The following TXNRD2 variants were observed in gnomAD, a reference collection of about 807,000 sequenced individuals.
TXNRD2 encodes the protein thioredoxin reductase 2, mitochondrial.
In TXNRD2, 67 loss-of-function variants were observed where a neutral mutation model predicts 70.8. The observed-to-expected ratio is 0.95, with a 90% CI of 0.78 to 1.16. TXNRD2 has a LOEUF of 1.16. Ranked by LOEUF, TXNRD2 falls within the 50% of genes most tolerant of loss-of-function variation. The pLI, the probability that TXNRD2 is intolerant of heterozygous loss-of-function variation, is 0.00. For synonymous variants in TXNRD2, 301 were observed against 295.8 expected (o/e 1.02, Z -0.18); for missense variants, 644 against 719.9 (o/e 0.89, Z 1.21).
At chr22:19,917,841 T>G (rs1237721736) in intron 5 of TXNRD2, among the ~76,000 whole-genome samples, 1 of 152,198 alleles carries the variant, frequency 6.6e-6, no homozygotes, top group African/African-American at 2.4e-5. Flanking sequence ...CTCTCTGGCC[T>G]GAGGCCTTCC....
chr22:19,909,205 C>CA (rs199938429), intron 8 of TXNRD2, among the ~76,000 whole-genome samples: 4,027 of 73,538 alleles, frequency 0.055, 66 homozygotes, highest in Middle Eastern at 0.12. Context: ...GACTCTGTTT[C>CA]AAAAAAAAAA....
intron 1 of TXNRD2, among the ~76,000 whole-genome samples, chr22:19,937,290 A>C (rs188962268): frequency 6.6e-6 from 1 of 152,324 alleles, no homozygotes; most frequent in Non-Finnish European, 1.5e-5. Context: ...ACAAGTAACA[A>C]AGGTGTGTAT....
chr22:19,922,955 G>A (rs1940973652), intron 2 of TXNRD2, among the ~76,000 whole-genome samples: 1 of 152,150 alleles, frequency 6.6e-6, no homozygotes, highest in African/African-American at 2.4e-5. Context: ...CCAAAGTGCT[G>A]GGATTACAGG....
At chr22:19,932,458 G>A in intron 1 of TXNRD2, 1 of 1,605,828 alleles carries the variant, frequency 6.2e-7, no homozygotes, top group Non-Finnish European at 8.5e-7. Flanking sequence ...TGGCGAGGAA[G>A]GCAGGCAAGG....
chr22:19,892,755 C>T (rs538923671), intron 11 of TXNRD2, among the ~76,000 whole-genome samples: 3 of 152,180 alleles, frequency 2.0e-5, no homozygotes, highest in African/African-American at 4.8e-5. Flanking sequence ...GGGAGAAACT[C>T]GCCACCTCCC....
chr22:19,890,230 G>A (rs116474580), intron 11 of TXNRD2, among the ~76,000 whole-genome samples: 5,710 of 152,284 alleles, frequency 0.037, 372 homozygotes, highest in African/African-American at 0.13. Context: ...GGGGAAGGCC[G>A]CAGCCACCGC....
At chr22:19,898,942 G>C (rs138021531) in intron 9 of TXNRD2, 107 bp downstream of exon 9, 5 of 1,440,972 alleles carry the variant, frequency 3.5e-6, no homozygotes, top group Non-Finnish European at 3.8e-6. Context: ...AGTAAGTGCC[G>C]ATCTGAGGCA....
intron 12 of TXNRD2, chr22:19,881,435 C>T (rs1037729705): frequency 4.4e-5 from 9 of 204,776 alleles, no homozygotes; most frequent in Non-Finnish European, 7.7e-5. Flanking sequence ...TCTCATTAAA[C>T]AATAGCCCCC....
intron 11 of TXNRD2, 27 bp downstream of exon 11, chr22:19,895,380 A>C: frequency 1.2e-6 from 2 of 1,613,644 alleles, no homozygotes; most frequent in Non-Finnish European, 8.5e-7. Context: ...GACCAGAGAC[A>C]GAGCGTGTGG....
chr22:19,938,731 T>A (rs2146111270), intron 1 of TXNRD2, among the ~76,000 whole-genome samples: 2 of 152,298 alleles, frequency 1.3e-5, no homozygotes, highest in Middle Eastern at 6.8e-3. Flanking sequence ...ATATTCCACA[T>A]AACTTTTACA....
rs537540542 is a variant in TXNRD2, at chr22:19,892,488, A to C, written c.949+2919T>G. Among the ~76,000 whole-genome samples, 13 of 152,354 alleles carry C rather than the reference A, an allele frequency of 8.5e-5. No individual in the cohort carries two copies. In the East Asian group the frequency reaches 2.5e-3, roughly 29 times the overall value. On this transcript the variant is annotated intron_variant, in intron 11 of 17. Coordinates refer to ENST00000400521, the MANE Select transcript of TXNRD2 (RefSeq NM_006440.5). ...GGGATGCTCATTTTGAAAGTACAAAAAAATAAAACAGACTCCTAGCAAGGG... is the reference window on the plus strand; with the variant it reads ...GGGATGCTCATTTTGAAAGTACAAACAAATAAAACAGACTCCTAGCAAGGG...
intron 8 of TXNRD2, among the ~76,000 whole-genome samples, chr22:19,907,253 G>T (rs1940084453): frequency 1.6e-5 from 1 of 64,066 alleles, no homozygotes; most frequent in East Asian, 4.1e-4. Flanking sequence ...GGAGAGTGTG[G>T]GCGCCGTGGG....
At chr22:19,912,219 A>G (rs1345797264) in intron 7 of TXNRD2, among the ~76,000 whole-genome samples, 1 of 152,214 alleles carries the variant, frequency 6.6e-6, no homozygotes, top group Non-Finnish European at 1.5e-5. Flanking sequence ...GAGGAAGCGG[A>G]TCTCAAACAG....
intron 1 of TXNRD2, 57 bp downstream of exon 1, chr22:19,941,644 C>A (rs1269947582): frequency 2.8e-6 from 4 of 1,407,102 alleles, no homozygotes; most frequent in Non-Finnish European, 2.8e-6. Flanking sequence ...GACACCCTCA[C>A]GAGGACACCC....
At chr22:19,929,455 G>T (rs546206946) in intron 2 of TXNRD2, among the ~76,000 whole-genome samples, 2 of 150,234 alleles carry the variant, frequency 1.3e-5, no homozygotes, top group Admixed American at 1.3e-4. Flanking sequence ...CTGAGATCAC[G>T]CCACTGCACT....
chr22:19,934,905 C>G (rs955650599), intron 1 of TXNRD2, among the ~76,000 whole-genome samples: 1 of 152,206 alleles, frequency 6.6e-6, no homozygotes, highest in Admixed American at 6.5e-5. Flanking sequence ...GTCTTTATCT[C>G]TTAATCCTGT....
chr22:19,895,596 A>C lies in TXNRD2; in HGVS notation c.775-15T>G, dbSNP rs1939471341. 4 of 1,608,146 alleles carry C rather than the reference A, an allele frequency of 2.5e-6. No individual in the cohort carries two copies. Among genetic ancestry groups the C allele is most frequent in the Non-Finnish European group, 3.4e-6 (4 of 1,179,988 alleles). On this transcript the variant is annotated splice_polypyrimidine_tract_variant and intron_variant, in intron 10 of 17. Coordinates refer to ENST00000400521, the MANE Select transcript of TXNRD2 (RefSeq NM_006440.5). ...GAGGACATTTGCTGCAAAGCACAAG[A>C]AGACAGGCCATGAAGACCAGGTGGC... is the stretch of plus-strand genomic sequence containing the variant.
chr22:19,929,408 G>A (rs962020947), intron 2 of TXNRD2, among the ~76,000 whole-genome samples: 1 of 151,906 alleles, frequency 6.6e-6, no homozygotes, highest in Non-Finnish European at 1.5e-5. Context: ...TAAGGCAGGA[G>A]GATGGCTTGA....
At chr22:19,905,836 C>T (rs969368457) in intron 8 of TXNRD2, among the ~76,000 whole-genome samples, 1 of 151,592 alleles carries the variant, frequency 6.6e-6, no homozygotes, top group Non-Finnish European at 1.5e-5. Context: ...CTCCACCACA[C>T]CGCAGAAGAA....
Sources: allele counts gnomAD v4.1 joint callset (sites outside exome capture counted in the v4.1 genomes callset), GRCh38; gene constraint gnomAD v4.1.1; transcripts MANE v1.5; gene names NCBI Gene and HGNC (gene_info 2026-07-23, HGNC 2026-07-21).